The following CTNNA1 variants were observed in gnomAD, a reference collection of about 807,000 sequenced individuals.
CTNNA1 encodes catenin alpha 1.
CTNNA1 carries 37 observed loss-of-function variants against 98.4 expected under a neutral mutation model. The ratio of observed to expected loss-of-function variants is 0.38; its 90% CI spans 0.29 to 0.49. The LOEUF is 0.49. CTNNA1 is among the 20% of genes least tolerant of loss of function. The pLI is 0.95. For missense variants in CTNNA1, 761 were observed against 1,147.2 expected (o/e 0.66, Z 4.86); for synonymous variants, 404 against 413.2 (o/e 0.98, Z 0.27).
chr5:138,856,048 T>TA (rs1232499550), intron 7 of CTNNA1, among the ~76,000 whole-genome samples: 2 of 152,214 alleles, frequency 1.3e-5, no homozygotes, highest in Admixed American at 6.5e-5. Context: ...AACTTGTTGA[T>TA]ACATATTTTT....
At chr5:138,848,860 A>G (rs1762949701) in intron 7 of CTNNA1, among the ~76,000 whole-genome samples, 1 of 152,060 alleles carries the variant, frequency 6.6e-6, no homozygotes, top group Non-Finnish European at 1.5e-5. Flanking sequence ...AGTAGCTGGG[A>G]TTACAGGTAT....
chr5:138,924,802 G>A, intron 12 of CTNNA1, 92 bp downstream of exon 12: 1 of 1,191,230 alleles, frequency 8.4e-7, no homozygotes, highest in South Asian at 1.4e-5. Flanking sequence ...TGAGGAAGGA[G>A]GAGTTGGGAA....
intron 1 of CTNNA1, among the ~76,000 whole-genome samples, chr5:138,772,481 A>G (rs1462223150): frequency 3.3e-5 from 5 of 152,234 alleles, no homozygotes; most frequent in Non-Finnish European, 7.3e-5. Flanking sequence ...TCTGAACAAT[A>G]CCATTAATTG....
chr5:138,779,724 T>TG (rs1561517511), intron 1 of CTNNA1, among the ~76,000 whole-genome samples: 1 of 15,190 alleles, frequency 6.6e-5, no homozygotes, highest in East Asian at 0.036. Context: ...TTTGTTTTTG[T>TG]TTTTTTTTTG....
At chr5:138,845,029 T>C (rs1317588057) in intron 7 of CTNNA1, among the ~76,000 whole-genome samples, 2 of 152,148 alleles carry the variant, frequency 1.3e-5, no homozygotes, top group African/African-American at 4.8e-5. Context: ...TTTAATTTGC[T>C]CCTGTGTATA....
At position 138,925,283 on chromosome 5, in the gene CTNNA1, A is replaced by C. The variant is rs775570045; in HGVS notation, c.1775A>C (p.Glu592Ala). The C allele has an allele frequency of 1.2e-6, 2 of 1,613,954 alleles. No homozygotes were observed. The highest frequency in any genetic ancestry group is 1.3e-5 in the African/African-American group (1 of 74,898). ...TVMPRFTEQV[E>A]AAVEALSSDP... ...ATGCCACGTTTTACTGAGCAAGTAG[A>C]AGCAGCCGTGGAAGCCCTCAGCTCG... The change falls in exon 13 of 18, where the codon GAA becomes GCA. Residue 592 changes from glutamate (E) to alanine (A), a missense_variant. Physicochemically the swap from Glu to Ala is moderately radical, Grantham distance 107. Coordinates refer to ENST00000302763, the MANE Select transcript of CTNNA1 (RefSeq NM_001903.5).
intron 5 of CTNNA1, among the ~76,000 whole-genome samples, chr5:138,821,573 T>C (rs768878638): frequency 6.6e-5 from 10 of 152,352 alleles, no homozygotes; most frequent in Non-Finnish European, 1.2e-4. Flanking sequence ...GAGAAATCTA[T>C]GGCTATAATT....
At chr5:138,888,191 T>TA (rs1238699880) in intron 9 of CTNNA1, among the ~76,000 whole-genome samples, 1 of 152,220 alleles carries the variant, frequency 6.6e-6, no homozygotes, top group Admixed American at 6.5e-5. Context: ...GCTAATTAGT[T>TA]ACATTTGCTT....
rs1354145150 is a variant in CTNNA1 at position 138,932,828 on chromosome 5, ACTCCAAGTCCTGTCCCAGT to A, written c.2433+120_2433+138del. ...CCCTGGGAAAGTGTGCTGTGCAGAA[ACTCCAAGTCCTGTCCCAGT>A]CTCTGGAGACCAAGGTCTGTCCATC... On this transcript the variant is annotated intron_variant, in intron 17 of 17. Coordinates refer to ENST00000302763, the MANE Select transcript of CTNNA1 (RefSeq NM_001903.5). The A allele has an allele frequency of 2.4e-5, 32 of 1,314,332 alleles. 2 individuals are homozygous for A. In the Admixed American group the frequency reaches 5.4e-4, roughly 22 times the overall value. 81.4% of individuals were successfully genotyped at this position (1,314,332 alleles called of 1,614,324 possible).
intron 3 of CTNNA1, among the ~76,000 whole-genome samples, chr5:138,788,692 C>G (rs1249885865): frequency 6.6e-6 from 1 of 152,112 alleles, no homozygotes; most frequent in Non-Finnish European, 1.5e-5. Context: ...AAAAAGAAGC[C>G]TCTTAAGCCG....
chr5:138,812,927 A>G (rs1758993015), intron 5 of CTNNA1, among the ~76,000 whole-genome samples: 1 of 152,196 alleles, frequency 6.6e-6, no homozygotes, highest in Non-Finnish European at 1.5e-5. Flanking sequence ...ATTGCTATCC[A>G]TCTTCTTATA....
At chr5:138,851,185 A>C (rs1763152253) in intron 7 of CTNNA1, among the ~76,000 whole-genome samples, 1 of 152,212 alleles carries the variant, frequency 6.6e-6, no homozygotes, top group South Asian at 2.1e-4. Flanking sequence ...GACAGGGGGC[A>C]GAGAATGCAC....
rs1325225247 is a variant in CTNNA1 at position 138,886,195 on chromosome 5, CTT to C, written c.1063-14_1063-13del. ...TTGTAAATGAATAAAATGCTCATCT[CTT>C]TTCCTTTTATCCAGGCTGGACGTAA... On this transcript the variant is annotated splice_polypyrimidine_tract_variant and intron_variant, in intron 7 of 17. Transcript: ENST00000302763. 7 of 1,605,928 alleles carry C rather than the reference CTT, an allele frequency of 4.4e-6. 1 individual carries two copies. Among genetic ancestry groups the C allele is most frequent in the Middle Eastern group, 1.7e-4 (1 of 6,034 alleles).
In CTNNA1 at chr5:138,817,693, C is replaced by T. The variant is rs573067133; in HGVS notation, c.588+5391C>T. On this transcript the variant is annotated intron_variant, in intron 5 of 17. Coordinates refer to ENST00000302763, the MANE Select transcript of CTNNA1 (RefSeq NM_001903.5). ...GAGATTTTCTTTTTCTTGGTGAAAT[C>T]TTTTGAAACTTTCTATTGTATTTTT... 2.0e-5 allele frequency among the ~76,000 whole-genome samples: 3 copies of T among 152,064 alleles called. No individual in the cohort carries two copies. In the East Asian group the frequency reaches 5.8e-4, roughly 29 times the overall value.
chr5:138,924,741 A>G (rs569504359), intron 12 of CTNNA1, 31 bp downstream of exon 12: 2 of 1,538,680 alleles, frequency 1.3e-6, no homozygotes, highest in Admixed American at 3.9e-5. Flanking sequence ...CAGTGCTCGC[A>G]CACACCGCAG....
At chr5:138,806,045 G>A (rs1308356328) in intron 3 of CTNNA1, among the ~76,000 whole-genome samples, 1 of 152,122 alleles carries the variant, frequency 6.6e-6, no homozygotes, top group East Asian at 1.9e-4. Context: ...TTTAGGTTTT[G>A]ATAAATTTTG....
chr5:138,853,862 A>C (rs1763472602), intron 7 of CTNNA1, among the ~76,000 whole-genome samples: 1 of 152,248 alleles, frequency 6.6e-6, no homozygotes, highest in Non-Finnish European at 1.5e-5. Context: ...TATTTCAAAT[A>C]CAGATTCCTT....
At chr5:138,914,914 G>A (rs963983230) in intron 10 of CTNNA1, among the ~76,000 whole-genome samples, 8 of 152,066 alleles carry the variant, frequency 5.3e-5, no homozygotes, top group Non-Finnish European at 1.2e-4. Flanking sequence ...TTGGGAGGCC[G>A]AGGCGGGTGG....
chr5:138,873,403 G>T lies in CTNNA1; in HGVS notation c.1063-12809G>T, dbSNP rs1216260794. The stretch of plus-strand genomic sequence containing the variant: ...TGTCTCCCACATGGTAACTTGATGA[G>T]CTTATTCTTTTTGTATATTCAGTGG... On this transcript the variant is annotated intron_variant, in intron 7 of 17. Coordinates refer to ENST00000302763, the MANE Select transcript of CTNNA1 (RefSeq NM_001903.5). The surrounding 1 kb of genome is among the most constrained non-coding windows in gnomAD (Gnocchi z 6.1). The T allele has an allele frequency of 5.0e-6, 8 of 1,613,858 alleles. No homozygotes were observed. The highest frequency in any genetic ancestry group is 6.8e-6 in the Non-Finnish European group (8 of 1,179,894).
Sources: allele counts gnomAD v4.1 joint callset (sites outside exome capture counted in the v4.1 genomes callset), GRCh38; gene constraint gnomAD v4.1.1; non-coding constraint Gnocchi (gnomAD v3.1); transcripts MANE v1.5; gene names NCBI Gene and HGNC (gene_info 2026-07-23, HGNC 2026-07-21).